Variants in KIF21A observed in about 807,000 individuals in gnomAD.
The protein encoded by KIF21A is kinesin family member 21A, also known as kinesin-like protein KIF21A.
KIF21A carries 114 observed loss-of-function variants against 202.9 expected under a neutral mutation model. That is an observed-to-expected ratio of 0.56 (90% CI 0.48 to 0.66). The LOEUF (loss-of-function observed/expected upper bound fraction) is 0.66, where lower values mean the gene tolerates loss of function less well. Ranked by LOEUF, KIF21A falls within the 30% of genes least tolerant of loss-of-function variation. The pLI is 0.00. For missense variants in KIF21A, 1,677 were observed against 1,994.9 expected, an observed-to-expected ratio of 0.84 and a Z score of 3.04; for synonymous variants, 667 against 670.8, an observed-to-expected ratio of 0.99 and a Z score of 0.09.
At chr12:39,309,898 G>A in intron 32 of KIF21A, 132 bp from the exon 33 acceptor site, 1 of 780,262 alleles carries the variant, frequency 1.3e-6, no homozygotes, top group Non-Finnish European at 2.1e-6. Flanking sequence ...CATACCACAA[G>A]GATCCTAACT....
At chr12:39,296,624 G>GA (rs1942399291) in intron 37 of KIF21A, among the ~76,000 whole-genome samples, 1 of 152,196 alleles carries the variant, frequency 6.6e-6, no homozygotes, top group African/African-American at 2.4e-5. Context: ...TACTGAGGAA[G>GA]AAAGACTTGC....
chr12:39,331,850 A>T, intron 21 of KIF21A, 59 bp from the exon 22 acceptor site: 1 of 1,237,488 alleles, frequency 8.1e-7, no homozygotes, highest in South Asian at 1.2e-5. Context: ...AGAAGGCAAC[A>T]GCCTATTGTT....
intron 8 of KIF21A, 110 bp downstream of exon 8, chr12:39,358,068 T>C (rs1469558888): frequency 1.0e-6 from 1 of 953,152 alleles, no homozygotes; most frequent in Non-Finnish European, 1.7e-6. Context: ...GAGGACACTA[T>C]TATGACAACC....
At chr12:39,434,012 AAT>A (rs1413521997) in intron 1 of KIF21A, among the ~76,000 whole-genome samples, 4 of 152,208 alleles carry the variant, frequency 2.6e-5, no homozygotes, top group Non-Finnish European at 4.4e-5. Flanking sequence ...TAGAGTTTGG[AAT>A]ATAATCAACA....
intron 32 of KIF21A, among the ~76,000 whole-genome samples, chr12:39,310,652 T>A (rs921732341): frequency 1.3e-5 from 2 of 152,092 alleles, no homozygotes; most frequent in Non-Finnish European, 2.9e-5. Context: ...ATCTTGATTA[T>A]TCATTCCTAC....
chr12:39,297,889 G>A, intron 37 of KIF21A, among the ~76,000 whole-genome samples: 1 of 143,684 alleles, frequency 7.0e-6, no homozygotes, highest in Admixed American at 7.0e-5. Context: ...TATTATTATT[G>A]ATCAAAATAA....
chr12:39,425,495 A>G (rs1193356455), intron 1 of KIF21A, among the ~76,000 whole-genome samples: 1 of 152,212 alleles, frequency 6.6e-6, no homozygotes, highest in Non-Finnish European at 1.5e-5. Context: ...AGGACAAACA[A>G]GAAATAAAAG....
chr12:39,366,128 A>G (rs1949586671), intron 6 of KIF21A, among the ~76,000 whole-genome samples: 1 of 152,234 alleles, frequency 6.6e-6, no homozygotes, highest in African/African-American at 2.4e-5. Flanking sequence ...TTTTAGTACG[A>G]CTAAATTTAT....
At chr12:39,376,468 C>T (rs762237511) in intron 1 of KIF21A, among the ~76,000 whole-genome samples, 8 of 151,974 alleles carry the variant, frequency 5.3e-5, no homozygotes, top group Non-Finnish European at 1.0e-4. Context: ...AACTAAGGTC[C>T]TGAGTAAAAA....
At chr12:39,347,939 A>G (rs1217787982) in intron 11 of KIF21A, among the ~76,000 whole-genome samples, 3 of 152,076 alleles carry the variant, frequency 2.0e-5, no homozygotes, top group Non-Finnish European at 4.4e-5. Flanking sequence ...AAAAACTTTT[A>G]TGTCTACTCT....
At chr12:39,423,867 C>T (rs1320517560) in intron 1 of KIF21A, among the ~76,000 whole-genome samples, 1 of 151,376 alleles carries the variant, frequency 6.6e-6, no homozygotes, top group Non-Finnish European at 1.5e-5. Flanking sequence ...GCCTGTAGTC[C>T]TGGCTACTCA....
intron 1 of KIF21A, among the ~76,000 whole-genome samples, chr12:39,417,367 A>G (rs750659365): frequency 6.6e-6 from 1 of 152,126 alleles, no homozygotes; most frequent in Non-Finnish European, 1.5e-5. Context: ...TCATGATTAT[A>G]TTTTCCAATA....
At chr12:39,362,487 A>G (rs1949310248) in intron 7 of KIF21A, among the ~76,000 whole-genome samples, 1 of 152,158 alleles carries the variant, frequency 6.6e-6, no homozygotes, top group Admixed American at 6.5e-5. Flanking sequence ...ACAGAGGGGA[A>G]TACATTACCA....
rs1490765240 is a variant in KIF21A, at chr12:39,363,149, T to C, written c.968A>G (p.Tyr323Cys). 4 of 1,613,324 alleles carry C rather than the reference T, an allele frequency of 2.5e-6. No individual in the cohort carries two copies. The highest frequency in any genetic ancestry group is 3.4e-6 in the Non-Finnish European group (4 of 1,179,544). Residue 323 changes from tyrosine (Y) to cysteine (C), a missense_variant, in exon 7 of 38, where the codon TAT (tyrosine) becomes TGT (cysteine). Tyr to Cys is a radical substitution (Grantham distance 194, BLOSUM62 -2). Around this residue, in one of 3 missense-constraint regions of KIF21A, gnomAD observed 966 missense variants for 1,180.9 expected, o/e 0.82. Transcript: ENST00000361418. ...DKSKRATHVP[Y>C]RDSKLTRLLQ... is the part of the protein sequence containing the mutation. ...TAGTCTTGTTAGCTTGGAATCTCTA[T>C]AGGGGACATGTGTGGCCCTCTTGCT...
intron 1 of KIF21A, among the ~76,000 whole-genome samples, chr12:39,382,124 T>G (rs1326926963): frequency 6.6e-6 from 1 of 152,218 alleles, no homozygotes; most frequent in African/African-American, 2.4e-5. Context: ...CAACCAACTT[T>G]GTAAAAAATT....
At chr12:39,407,882 A>AGCATTATAT (rs1952729551) in intron 1 of KIF21A, among the ~76,000 whole-genome samples, 1 of 151,172 alleles carries the variant, frequency 6.6e-6, no homozygotes, top group Non-Finnish European at 1.5e-5. Flanking sequence ...TAAAATCAGT[A>AGCATTATAT]GCTAAATATA....
chr12:39,315,333 G>GAGAGAA, intron 30 of KIF21A, 93 bp from the exon 31 acceptor site: 1 of 1,116,508 alleles, frequency 9.0e-7, no homozygotes, highest in South Asian at 1.4e-5. Context: ...GAATGAGACA[G>GAGAGAA]AGAGAAAGAG....
At chr12:39,404,592 T>C (rs2139922348) in intron 1 of KIF21A, among the ~76,000 whole-genome samples, 1 of 152,268 alleles carries the variant, frequency 6.6e-6, no homozygotes. Context: ...AATATAAAAA[T>C]CCTCTTTTCC....
chr12:39,349,749 T>C (rs1304507553), intron 11 of KIF21A, among the ~76,000 whole-genome samples: 1 of 152,058 alleles, frequency 6.6e-6, no homozygotes, highest in African/African-American at 2.4e-5. Context: ...ATTTTTTAAT[T>C]CAAAAAAACA....
Sources: gnomAD v4.1 joint callset for allele counts (sites outside exome capture counted in the v4.1 genomes callset) on GRCh38, gnomAD v4.1.1 for gene constraint, gnomAD v4.1.1 regional missense constraint, MANE v1.5 for transcripts, NCBI Gene and HGNC (gene_info 2026-07-23, HGNC 2026-07-21) for gene names.